Variants in ZHX1 observed in about 807,000 individuals in gnomAD.
ZHX1 encodes zinc fingers and homeoboxes protein 1.
In ZHX1, 20 loss-of-function variants were observed where a neutral mutation model predicts 61.8. The ratio of observed to expected loss-of-function variants is 0.32; its 90% CI spans 0.23 to 0.47. The LOEUF (loss-of-function observed/expected upper bound fraction) is 0.47, where lower values mean the gene tolerates loss of function less well. ZHX1 is among the 20% of genes least tolerant of loss of function. The pLI, the probability that ZHX1 is intolerant of heterozygous loss-of-function variation, is 1.00. For synonymous variants in ZHX1, 318 were observed against 352.6 expected, an observed-to-expected ratio of 0.90 and a Z score of 1.10; for missense variants, 800 against 1,034.8, an observed-to-expected ratio of 0.77 and a Z score of 3.11.
upstream of ZHX1, chr8:123,274,592 G>A (rs1826785743): frequency 6.6e-6 from 1 of 152,246 alleles, no homozygotes; most frequent in African/African-American, 2.4e-5. Context: ...GGCGCACCGC[G>A]GGAGGTAGGG....
chr8:123,254,703 A>G lies in ZHX1; in HGVS notation c.1244T>C (p.Leu415Ser), dbSNP rs1563809307. The G allele has an allele frequency of 6.2e-7, 1 of 1,614,158 alleles. No homozygotes were observed. Among genetic ancestry groups the G allele is most frequent in the Non-Finnish European group, 8.5e-7 (1 of 1,180,024 alleles). ...NTLPVTAPIA[L>S]TVAGVPSQNN... ...TTGACTTGGAACGCCTGCCACTGTC[A>G]AGGCTATAGGTGCTGTAACTGGCAA... Residue 415 changes from leucine (L) to serine (S), a missense_variant, in exon 3 of 4, where the codon TTG becomes TCG. By Grantham distance (145) the Leu-to-Ser change is moderately radical (BLOSUM62 -2). Transcript: ENST00000395571. The surrounding 1 kb of genome is among the most constrained non-coding windows in gnomAD (Gnocchi z 4.1).
intron 3 of ZHX1, 166 bp downstream of exon 3, chr8:123,253,156 T>C (rs937905165): frequency 3.8e-6 from 2 of 524,706 alleles, no homozygotes; most frequent in African/African-American, 3.9e-5. Flanking sequence ...CTACACATGA[T>C]AATCATTTAT....
At chr8:123,272,586 C>T (rs1036036776) in intron 1 of ZHX1, among the ~76,000 whole-genome samples, 3 of 152,202 alleles carry the variant, frequency 2.0e-5, no homozygotes, top group African/African-American at 7.2e-5. Context: ...TGCTCACCTT[C>T]GCTCCCGACA....
At chr8:123,274,534 A>C (rs1044593513), upstream of ZHX1, 2 of 151,782 alleles carry the variant, frequency 1.3e-5, no homozygotes, top group African/African-American at 4.8e-5. Flanking sequence ...CCACGCCCAG[A>C]CCCTGCTACT....
At position 123,248,575 on chromosome 8, in the gene ZHX1, C is replaced by T. The variant is rs1436514172; in HGVS notation, c.*1749G>A. 1.3e-5 allele frequency: 2 copies of T among 151,938 alleles called. No homozygotes were observed. Among genetic ancestry groups the T allele is most frequent in the African/African-American group, 4.9e-5 (2 of 41,048 alleles). 9.4% of individuals were successfully genotyped at this position (151,938 alleles called of 1,614,324 possible). A position where few individuals can be genotyped will look rare whatever the true frequency, so the allele number is the denominator to read the frequency against. ...AGCAAACGTCAGAGAAGAGTTTTAT[C>T]AGGCCTATAAAAGAGATGAGGGAAA... On this transcript the variant is annotated 3_prime_UTR_variant, in exon 4 of 4. Transcript: ENST00000395571.
intron 1 of ZHX1, among the ~76,000 whole-genome samples, chr8:123,272,029 A>G (rs1382922495): frequency 6.6e-6 from 1 of 152,262 alleles, no homozygotes; most frequent in Non-Finnish European, 1.5e-5. Flanking sequence ...CCAGAGCTAC[A>G]TGAACATTGA....
intron 1 of ZHX1, among the ~76,000 whole-genome samples, chr8:123,270,672 G>C (rs1826620823): frequency 6.6e-6 from 1 of 151,196 alleles, no homozygotes; most frequent in South Asian, 2.1e-4. Context: ...TGTAGTCCTA[G>C]CTACTCAAGA....
At chr8:123,258,333 CCAG>C (rs1207044659) in intron 2 of ZHX1, among the ~76,000 whole-genome samples, 1 of 152,184 alleles carries the variant, frequency 6.6e-6, no homozygotes, top group Admixed American at 6.5e-5. Context: ...GAGGCCATCA[CCAG>C]CAGCAGATGC....
chr8:123,270,700 C>T (rs549400729), intron 1 of ZHX1, among the ~76,000 whole-genome samples: 24 of 150,336 alleles, frequency 1.6e-4, no homozygotes, highest in Non-Finnish European at 2.8e-4. Context: ...GAGAAAGGAT[C>T]GCTTGAGCAC....
At chr8:123,251,918 G>C (rs1199229210) in intron 3 of ZHX1, among the ~76,000 whole-genome samples, 1 of 152,078 alleles carries the variant, frequency 6.6e-6, no homozygotes, top group Non-Finnish European at 1.5e-5. Flanking sequence ...CCTGAAAAAG[G>C]ATTGCCAAGC....
chr8:123,253,441 C>T lies in ZHX1; in HGVS notation c.2506G>A (p.Glu836Lys), dbSNP rs750366460. The part of the protein sequence containing the change: ...ELGIELFEEN[E>K]EEDEVIDDQE... Reference sequence around the variant, plus strand: ...TCATCAATAACTTCATCTTCCTCCTCATTTTCCTCAAATAATTCTATACCT... The same window carrying T: ...TCATCAATAACTTCATCTTCCTCCTTATTTTCCTCAAATAATTCTATACCT... The change falls in exon 3 of 4, where the codon GAG (glutamate) becomes AAG (lysine). Residue 836 changes from glutamate to lysine, a missense_variant. Coordinates refer to ENST00000395571, the MANE Select transcript of ZHX1 (RefSeq NM_007222.5). The T allele has an allele frequency of 4.3e-6, 7 of 1,614,128 alleles. No homozygotes were observed. Among genetic ancestry groups the T allele is most frequent in the Non-Finnish European group, 5.1e-6 (6 of 1,179,992 alleles).
At chr8:123,256,242 G>C (rs888500184) in intron 2 of ZHX1, 71 bp from the exon 3 acceptor site, 2 of 233,272 alleles carry the variant, frequency 8.6e-6, no homozygotes, top group Non-Finnish European at 1.7e-5. Context: ...TATAGTTATA[G>C]TTCACTTATA....
At chr8:123,270,097 A>C (rs972615117) in intron 1 of ZHX1, among the ~76,000 whole-genome samples, 6 of 152,160 alleles carry the variant, frequency 3.9e-5, no homozygotes, top group African/African-American at 1.4e-4. Context: ...TAACGAGGAG[A>C]AATTGTTCTC....
chr8:123,270,973 A>G (rs1008041021), intron 1 of ZHX1, among the ~76,000 whole-genome samples: 2 of 152,172 alleles, frequency 1.3e-5, no homozygotes, highest in African/African-American at 4.8e-5. Flanking sequence ...TAAGATCAAA[A>G]CCTGGCAACT....
Position 123,253,644 on chromosome 8 carries a change from T to C in ZHX1, c.2303A>G (p.Asn768Ser), listed in dbSNP as rs1825979381. The C allele has an allele frequency of 1.2e-6, 2 of 1,614,232 alleles. No homozygotes were observed. The highest frequency in any genetic ancestry group is 1.7e-6 in the Non-Finnish European group (2 of 1,180,034). The change falls in exon 3 of 4, where the codon AAC (asparagine) becomes AGC (serine). Residue 768 changes from asparagine to serine, a missense_variant. By Grantham distance (46) the Asn-to-Ser change is conservative (BLOSUM62 1). Transcript: ENST00000395571. ...GRPRGSKRIN[N>S]WDRGPSLIKF... Reference sequence around the variant, plus strand: ...TATGAGTGATGGTCCCCTGTCCCAGTTGTTAATTCTTTTGCTTCCTCTAGG... The same window carrying C: ...TATGAGTGATGGTCCCCTGTCCCAGCTGTTAATTCTTTTGCTTCCTCTAGG...
rs942502781 is a variant in ZHX1 at position 123,248,633 on chromosome 8, A to G, written c.*1691T>C. ...TTATATACAGCTACACAGAGTTAACATATTGCAAGGGAAACAACTATATTC... is the reference window on the plus strand; with the variant it reads ...TTATATACAGCTACACAGAGTTAACGTATTGCAAGGGAAACAACTATATTC... On this transcript the variant is annotated 3_prime_UTR_variant, in exon 4 of 4. Coordinates refer to ENST00000395571, the MANE Select transcript of ZHX1 (RefSeq NM_007222.5). 2 of 152,616 alleles carry G rather than the reference A, an allele frequency of 1.3e-5. No individual in the cohort carries two copies. The highest frequency in any genetic ancestry group is 2.9e-5 in the Non-Finnish European group (2 of 68,040). The allele number at this position is 152,616 out of a possible 1,614,324, so 9.5% of individuals were successfully genotyped here.
intron 2 of ZHX1, among the ~76,000 whole-genome samples, chr8:123,259,355 A>C (rs890486629): frequency 6.6e-6 from 1 of 152,216 alleles, no homozygotes; most frequent in Non-Finnish European, 1.5e-5. Flanking sequence ...AAACTAAGCC[A>C]ATGTTATCTT....
Position 123,255,900 on chromosome 8 carries a change from C to T in ZHX1, c.47G>A (p.Ser16Asn). Residue 16 changes from serine (S) to asparagine (N), a missense_variant, in exon 3 of 4, where the codon AGT becomes AAT. Transcript: ENST00000395571. ...KSTTPCMVLA[S>N]EQDPDLELIS... ...CAACTCAAGGTCTGGATCTTGTTCA[C>T]TGGCAAGGACCATGCAAGGTGTTGT... 3 of 1,613,596 alleles carry T rather than the reference C, an allele frequency of 1.9e-6. No individual in the cohort carries two copies. The highest frequency in any genetic ancestry group is 2.5e-6 in the Non-Finnish European group (3 of 1,179,820).
chr8:123,274,526 A>G (rs1395092930), upstream of ZHX1: 1 of 151,832 alleles, frequency 6.6e-6, no homozygotes, highest in Non-Finnish European at 1.5e-5. Flanking sequence ...CGAGCTCTCC[A>G]CGCCCAGACC....
Sources: gnomAD v4.1 joint callset for allele counts (sites outside exome capture counted in the v4.1 genomes callset) on GRCh38, gnomAD v4.1.1 for gene constraint, Gnocchi (gnomAD v3.1) non-coding constraint, MANE v1.5 for transcripts, NCBI Gene and HGNC (gene_info 2026-07-23, HGNC 2026-07-21) for gene names.